Variants in FBXL20 observed in about 807,000 individuals in gnomAD.
FBXL20 encodes F-box and leucine rich repeat protein 20, also known as F-box/LRR-repeat protein 20.
FBXL20 carries 11 observed loss-of-function variants against 64.0 expected under a neutral mutation model. The ratio of observed to expected loss-of-function variants is 0.17; its 90% confidence interval spans 0.11 to 0.28. FBXL20 has a LOEUF of 0.28. Ranked by LOEUF, FBXL20 falls within the 10% of genes least tolerant of loss-of-function variation. The pLI is 1.00. For missense variants in FBXL20, 303 were observed against 526.2 expected (o/e 0.58, Z 4.15); for synonymous variants, 184 against 189.0 (o/e 0.97, Z 0.22).
intron 6 of FBXL20, among the ~76,000 whole-genome samples, chr17:39,293,825 C>A (rs1242978525): frequency 7.7e-6 from 1 of 130,538 alleles, no homozygotes; most frequent in Non-Finnish European, 1.5e-5. Context: ...ATTTCTGTAG[C>A]CTTTATTTTT....
chr17:39,286,909 C>CTTTTTTTTTTTTTTTTTTTTTTTTTTT (rs35221372), intron 6 of FBXL20, among the ~76,000 whole-genome samples: 1 of 114,562 alleles, frequency 8.7e-6, no homozygotes, highest in Non-Finnish European at 1.7e-5. Context: ...GTATCTATTT[C>CTTTTTTTTTTTTTTTTTTTTTTTTTTT]TTTTTTTTTT....
At chr17:39,313,686 A>G (rs947775688) in intron 2 of FBXL20, among the ~76,000 whole-genome samples, 31 of 150,644 alleles carry the variant, frequency 2.1e-4, no homozygotes, top group Admixed American at 7.3e-4. Flanking sequence ...CCCAGGCTGG[A>G]GTGCAATGGC....
intron 2 of FBXL20, among the ~76,000 whole-genome samples, chr17:39,323,647 C>A (rs561645327): frequency 2.0e-5 from 3 of 152,252 alleles, no homozygotes; most frequent in Admixed American, 6.5e-5. Context: ...TATTCAAAGG[C>A]CTTTTTCAGT....
chr17:39,264,196 C>A lies in FBXL20; in HGVS notation c.1182G>T (p.Arg394=), dbSNP rs760693811. ...TTACCCTGAGTCTCTTGATTCCAGCCCGTGTGATTTGCTGGCAGTCATAGA... is the reference window on the plus strand; with the variant it reads ...TTACCCTGAGTCTCTTGATTCCAGCACGTGTGATTTGCTGGCAGTCATAGA... ...IELYDCQQIT[R]AGIKRLRTHL... is the part of the protein sequence containing the mutation. The change falls in exon 14 of 15, where the codon CGG becomes CGT. Residue 394 remains arginine (R), a synonymous_variant. Transcript: ENST00000264658. 91 of 1,614,080 alleles carry A rather than the reference C, an allele frequency of 5.6e-5. No homozygotes were observed. The Admixed American group carries it at 1.5e-3, about 26-fold the overall frequency.
At chr17:39,378,236 A>C (rs1184694387) in intron 1 of FBXL20, among the ~76,000 whole-genome samples, 3 of 152,194 alleles carry the variant, frequency 2.0e-5, no homozygotes, top group Non-Finnish European at 4.4e-5. Context: ...GTATGCATAG[A>C]AATTATTTTA....
chr17:39,309,600 C>T (rs1031696789), intron 2 of FBXL20, among the ~76,000 whole-genome samples: 2 of 151,768 alleles, frequency 1.3e-5, no homozygotes, highest in South Asian at 2.1e-4. Context: ...GTCAGGAGTT[C>T]GAGACCAGCC....
At chr17:39,363,964 G>A (rs553478676) in intron 1 of FBXL20, among the ~76,000 whole-genome samples, 2 of 134,160 alleles carry the variant, frequency 1.5e-5, no homozygotes, top group South Asian at 4.6e-4. Flanking sequence ...ATCTCAGCTC[G>A]CTGCAACTTC....
chr17:39,400,249 G>A (rs1352610327), intron 1 of FBXL20, among the ~76,000 whole-genome samples: 1 of 152,162 alleles, frequency 6.6e-6, no homozygotes, highest in Non-Finnish European at 1.5e-5. Context: ...GATCTTCGTG[G>A]ATCAATTCAA....
At chr17:39,396,256 C>CTCCCTCGCTT (rs2048181925) in intron 1 of FBXL20, among the ~76,000 whole-genome samples, 1 of 151,942 alleles carries the variant, frequency 6.6e-6, no homozygotes, top group African/African-American at 2.4e-5. Context: ...TTGATTCTAT[C>CTCCCTCGCTT]TCCCTCGCTT....
At chr17:39,353,334 G>A (rs777822308) in intron 1 of FBXL20, among the ~76,000 whole-genome samples, 9 of 151,918 alleles carry the variant, frequency 5.9e-5, no homozygotes, top group African/African-American at 9.7e-5. Flanking sequence ...TCCTTTCTAC[G>A]GTCCATGGTC....
chr17:39,374,519 C>T (rs1476811279), intron 1 of FBXL20, among the ~76,000 whole-genome samples: 2 of 150,854 alleles, frequency 1.3e-5, no homozygotes, highest in Admixed American at 6.6e-5. Flanking sequence ...CCAGCCAAGG[C>T]AATAGAGCGA....
intron 1 of FBXL20, among the ~76,000 whole-genome samples, chr17:39,364,897 C>T (rs961236949): frequency 2.6e-5 from 4 of 152,112 alleles, no homozygotes; most frequent in Admixed American, 6.6e-5. Context: ...ATGGCAGGAC[C>T]GTCAGGCTGC....
intron 1 of FBXL20, among the ~76,000 whole-genome samples, chr17:39,381,880 AG>A (rs143831859): frequency 0.074 from 11,297 of 151,640 alleles, 584 homozygotes; most frequent in East Asian, 0.24. Context: ...GCGGATCACG[AG>A]GCCAAGAGGT....
intron 11 of FBXL20, among the ~76,000 whole-genome samples, chr17:39,270,553 T>TA (rs1198744534): frequency 5.9e-5 from 9 of 151,814 alleles, no homozygotes; most frequent in East Asian, 1.9e-4. Context: ...CAAAAAAATT[T>TA]AAAAAAAATT....
At chr17:39,380,889 G>A (rs1258874274) in intron 1 of FBXL20, among the ~76,000 whole-genome samples, 1 of 152,136 alleles carries the variant, frequency 6.6e-6, no homozygotes, top group African/African-American at 2.4e-5. Flanking sequence ...GCCGGGCGTG[G>A]TGGCTCACAC....
chr17:39,388,849 C>T (rs111305101), intron 1 of FBXL20, among the ~76,000 whole-genome samples: 4,810 of 149,800 alleles, frequency 0.032, 115 homozygotes, highest in African/African-American at 0.069. Context: ...CGCCTGTAAT[C>T]CCAGCACTTT....
intron 1 of FBXL20, among the ~76,000 whole-genome samples, chr17:39,386,947 C>T (rs2048087048): frequency 6.6e-6 from 1 of 152,122 alleles, no homozygotes; most frequent in African/African-American, 2.4e-5. Context: ...TGACAACAGC[C>T]AGATCATGTA....
chr17:39,385,855 T>A lies in FBXL20; in HGVS notation c.42+15506A>T, dbSNP rs147578814. On this transcript the variant is annotated intron_variant, in intron 1 of 14. Transcript: ENST00000264658. ...GACCATCCTGGCAAACATGATGAAA[T>A]CCTGTCTCTACTAAAAATACAAAAA... 2.7e-3 allele frequency among the ~76,000 whole-genome samples: 413 copies of A among 150,472 alleles called. 1 individual carries two copies. The highest frequency in any genetic ancestry group is 9.4e-3 in the African/African-American group (386 of 40,890).
chr17:39,268,776 T>TAG, intron 12 of FBXL20, 51 bp downstream of exon 12: 1 of 1,481,150 alleles, frequency 6.8e-7, no homozygotes, highest in African/African-American at 1.4e-5. Context: ...TGTTGTGTAT[T>TAG]ATCTAAGTGT....
Sources: gnomAD v4.1 joint callset for allele counts (sites outside exome capture counted in the v4.1 genomes callset) on GRCh38, gnomAD v4.1.1 for gene constraint, MANE v1.5 for transcripts, NCBI Gene and HGNC (gene_info 2026-07-23, HGNC 2026-07-21) for gene names.